The following CCDC146 variants were observed in gnomAD, a reference collection of about 807,000 sequenced individuals.
CCDC146 encodes coiled-coil domain-containing protein 146.
Under a neutral mutation model 119.3 loss-of-function variants are expected in CCDC146, and 92 were observed. The observed-to-expected ratio is 0.77, with a 90% CI of 0.65 to 0.92. The LOEUF (loss-of-function observed/expected upper bound fraction) is 0.92, where lower values mean the gene tolerates loss of function less well. CCDC146 is among the 40% of genes least tolerant of loss of function. CCDC146 has a pLI of 0.00. For synonymous variants in CCDC146, 372 were observed against 371.8 expected (o/e 1.00, Z -0.01); for missense variants, 1,000 against 1,103.0 (o/e 0.91, Z 1.32).
chr7:77,232,000 T>A (rs905605777), intron 2 of CCDC146, among the ~76,000 whole-genome samples: 1 of 152,218 alleles, frequency 6.6e-6, no homozygotes, highest in African/African-American at 2.4e-5. Context: ...GTTTTGTTCT[T>A]GTTATTGTTG....
At chr7:77,261,160 T>C (rs1008172089) in intron 8 of CCDC146, among the ~76,000 whole-genome samples, 3 of 152,156 alleles carry the variant, frequency 2.0e-5, no homozygotes, top group Non-Finnish European at 2.9e-5. Flanking sequence ...AGGTTACACA[T>C]ACAGGTTTGT....
At chr7:77,167,064 G>A (rs1791347675) in intron 1 of CCDC146, among the ~76,000 whole-genome samples, 1 of 152,128 alleles carries the variant, frequency 6.6e-6, no homozygotes, top group African/African-American at 2.4e-5. Context: ...AAGAACAGCA[G>A]AACTTGTTTG....
At chr7:77,263,900 G>C (rs1793350985) in intron 9 of CCDC146, among the ~76,000 whole-genome samples, 1 of 152,090 alleles carries the variant, frequency 6.6e-6, no homozygotes, top group South Asian at 2.1e-4. Flanking sequence ...CTCCAGCCTG[G>C]GCAACAGAGC....
intron 2 of CCDC146, chr7:77,198,368 A>G: frequency 2.1e-6 from 2 of 966,334 alleles, no homozygotes; most frequent in Non-Finnish European, 2.5e-6. Flanking sequence ...TGAGACAGTC[A>G]GCAACAGTGG....
At position 77,271,479 on chromosome 7, in the gene CCDC146, T is replaced by TATA. The variant is rs1491134992; in HGVS notation, c.1174-2215_1174-2214insATA. Among the ~76,000 whole-genome samples the TATA allele has an allele frequency of 7.0e-3, 517 of 73,808 alleles. 11 individuals carry two copies. Among genetic ancestry groups the TATA allele is most frequent in the East Asian group, 0.034 (112 of 3,274 alleles). The allele number at this position is 73,808 out of a possible 152,430, so 48.4% of individuals were successfully genotyped here. On this transcript the variant is annotated intron_variant, in intron 9 of 18. Transcript: ENST00000285871. ...TACTTAATAAACTCCCCTTTTTATT[T>TATA]TATATATATATATATACACACACAC...
intron 11 of CCDC146, 114 bp from the exon 12 acceptor site, chr7:77,278,638 T>A (rs1562859932): frequency 1.4e-6 from 1 of 710,668 alleles, no homozygotes; most frequent in East Asian, 2.8e-5. Context: ...AGAGATGAGG[T>A]CTCACTATGT....
At chr7:77,206,556 C>T (rs547794843) in intron 2 of CCDC146, among the ~76,000 whole-genome samples, 157 of 151,694 alleles carry the variant, frequency 1.0e-3, no homozygotes, top group African/African-American at 3.6e-3. Flanking sequence ...TCGCTTGAAC[C>T]CAAGAGGTGG....
At position 77,203,041 on chromosome 7, in the gene CCDC146, C is replaced by T. The variant is rs12055944; in HGVS notation, c.157-33906C>T. On this transcript the variant is annotated intron_variant, in intron 2 of 18. Transcript: ENST00000285871. ...GAAAATAAAATACTTGCCCCCCCCC[C>T]CCCCAGGACTATTTTAGGAATGAAT... 7.5e-4 allele frequency among the ~76,000 whole-genome samples: 108 copies of T among 144,112 alleles called. 3 individuals carry two copies. The highest frequency in any genetic ancestry group is 1.0e-3 in the Non-Finnish European group (68 of 65,840). The allele number at this position is 144,112 out of a possible 152,430, so 94.5% of individuals were successfully genotyped here.
Position 77,256,509 on chromosome 7 carries a change from G to A in CCDC146, c.684G>A (p.Lys228=), listed in dbSNP as rs1283301943. ...TGTTGGGACATCAGGTCGTCCTAAA[G>A]GTGTGCTACTTACCGTTGATATTTA... ...EELLGHQVVL[K]DEVAHHQTIP... Residue 228 remains lysine (K), a splice_region_variant and synonymous_variant, in exon 6 of 19, where the codon AAG becomes AAA. Coordinates refer to ENST00000285871, the MANE Select transcript of CCDC146 (RefSeq NM_020879.3). 1 of 1,598,088 alleles carries A rather than the reference G, an allele frequency of 6.3e-7. No individual in the cohort carries two copies. Among genetic ancestry groups the A allele is most frequent in the East Asian group, 2.2e-5 (1 of 44,646 alleles).
At chr7:77,280,227 G>A (rs1303709181) in intron 13 of CCDC146, among the ~76,000 whole-genome samples, 1 of 152,140 alleles carries the variant, frequency 6.6e-6, no homozygotes. Flanking sequence ...CTAATCTGGA[G>A]CAGAGAAAAT....
rs941119186 is a variant in CCDC146, at chr7:77,279,055, T to C, written c.1648T>C (p.Leu550=). The change falls in exon 13 of 19, where the codon TTA becomes CTA. Residue 550 remains leucine (L), a synonymous_variant. Coordinates refer to ENST00000285871, the MANE Select transcript of CCDC146 (RefSeq NM_020879.3). ...AATAAAAGAAAGGCATAAAATGTCATTAAATGAACTTGAAATTCTGAGAAA... is the reference window on the plus strand; with the variant it reads ...AATAAAAGAAAGGCATAAAATGTCACTAAATGAACTTGAAATTCTGAGAAA... ...NEIKERHKMS[L]NELEILRNSA... 3 of 1,610,042 alleles carry C rather than the reference T, an allele frequency of 1.9e-6. No individual in the cohort carries two copies. Among genetic ancestry groups the C allele is most frequent in the Non-Finnish European group, 2.5e-6 (3 of 1,177,466 alleles).
chr7:77,158,132 T>C (rs1159261590), intron 1 of CCDC146, among the ~76,000 whole-genome samples: 1 of 152,182 alleles, frequency 6.6e-6, no homozygotes, highest in Non-Finnish European at 1.5e-5. Flanking sequence ...CCTAAGAACG[T>C]TGCTTTTTAT....
chr7:77,282,762 G>T lies in CCDC146; in HGVS notation c.2125G>T (p.Asp709Tyr). ...LLPAKRSLDA[D>Y]LAVLQIQFSQ... ...GCCAGCCAAGAGGTCCCTGGATGCC[G>T]ACCTAGCTGTGCTCCAAATTCAGGT... Residue 709 changes from aspartate (D) to tyrosine (Y), a missense_variant, in exon 15 of 19, where the codon GAC becomes TAC. Asp to Tyr is a radical substitution (Grantham distance 160). Around this residue, in one of 2 missense-constraint regions of CCDC146, gnomAD observed 985 missense variants for 1,045.3 expected, o/e 0.94. Transcript: ENST00000285871. 1 of 1,613,830 alleles carries T rather than the reference G, an allele frequency of 6.2e-7. No individual in the cohort carries two copies. The highest frequency in any genetic ancestry group is 1.7e-5 in the Admixed American group (1 of 59,994).
At position 77,256,431 on chromosome 7, in the gene CCDC146, T is replaced by A. The variant is rs1398583151; in HGVS notation, c.606T>A (p.Asp202Glu). The A allele has an allele frequency of 6.2e-7, 1 of 1,608,346 alleles. No homozygotes were observed. The highest frequency in any genetic ancestry group is 2.2e-5 in the East Asian group (1 of 44,820). Residue 202 changes from aspartate (D) to glutamate (E), a missense_variant, in exon 6 of 19, where the codon GAT becomes GAA. Around this residue, in one of 2 missense-constraint regions of CCDC146, gnomAD observed 985 missense variants for 1,045.3 expected, o/e 0.94. Transcript: ENST00000285871. ...TAGAAATTAAAAATTTACGAGAAGA[T>A]TTGGCATCTAAACAAAAGCAATTAT... ...KKLEIKNLREDLASKQKQLLK... is the reference protein window; with the variant it reads ...KKLEIKNLREELASKQKQLLK...
At chr7:77,199,288 A>G (rs1584064751) in intron 2 of CCDC146, 3 of 1,614,098 alleles carry the variant, frequency 1.9e-6, no homozygotes, top group Non-Finnish European at 2.5e-6. Flanking sequence ...ATAATTTTCT[A>G]TGTTGTTCAT....
intron 2 of CCDC146, chr7:77,199,102 A>G (rs1232946136): frequency 1.1e-5 from 13 of 1,224,988 alleles, no homozygotes; most frequent in Non-Finnish European, 1.4e-5. Flanking sequence ...TAACTTACTG[A>G]CTCAGGTTAA....
chr7:77,290,973 A>T (rs1195855746), intron 17 of CCDC146, among the ~76,000 whole-genome samples: 2 of 152,226 alleles, frequency 1.3e-5, no homozygotes, highest in Non-Finnish European at 2.9e-5. Flanking sequence ...AGAATGAAAC[A>T]AACTAAGAGT....
intron 1 of CCDC146, among the ~76,000 whole-genome samples, chr7:77,138,288 TGCAAAAAA>T (rs200288118): frequency 3.6e-5 from 4 of 110,244 alleles, no homozygotes; most frequent in Non-Finnish European, 2.0e-5. Context: ...AGGGGGCAGT[TGCAAAAAA>T]AAAAAAAAGA....
intron 2 of CCDC146, among the ~76,000 whole-genome samples, chr7:77,202,085 T>C (rs1410828766): frequency 1.3e-5 from 2 of 152,260 alleles, no homozygotes; most frequent in African/African-American, 4.8e-5. Flanking sequence ...CTAGAGCATA[T>C]ATAAGATGCG....
Sources: gnomAD v4.1 joint callset for allele counts (sites outside exome capture counted in the v4.1 genomes callset) on GRCh38, gnomAD v4.1.1 for gene constraint, gnomAD v4.1.1 regional missense constraint, MANE v1.5 for transcripts, NCBI Gene and HGNC (gene_info 2026-07-23, HGNC 2026-07-21) for gene names.